COL25A1: variants seen among roughly 807,000 people sequenced by gnomAD.
COL25A1 encodes collagen alpha-1(XXV) chain.
Under a neutral mutation model 128.4 loss-of-function variants are expected in COL25A1, and 103 were observed. The ratio of observed to expected loss-of-function variants is 0.80; its 90% CI spans 0.68 to 0.94. COL25A1 has a LOEUF of 0.94. Ranked by LOEUF, COL25A1 falls within the 40% of genes least tolerant of loss-of-function variation. The pLI is 0.00. For synonymous variants in COL25A1, 279 were observed against 277.2 expected (o/e 1.01, Z -0.06); for missense variants, 745 against 840.0 (o/e 0.89, Z 1.40).
intron 13 of COL25A1, among the ~76,000 whole-genome samples, chr4:108,910,437 C>G (rs566917091): frequency 3.3e-5 from 5 of 152,126 alleles, no homozygotes; most frequent in African/African-American, 1.2e-4. Flanking sequence ...TTTTAACAGA[C>G]AGTTATATGT....
chr4:108,933,272 C>T (rs184144289), intron 11 of COL25A1, among the ~76,000 whole-genome samples: 1 of 152,262 alleles, frequency 6.6e-6, no homozygotes, highest in Non-Finnish European at 1.5e-5. Context: ...TCTCTAGTGC[C>T]TCTTAAGGCC....
chr4:108,888,377 G>C (rs558154755), intron 18 of COL25A1, among the ~76,000 whole-genome samples: 21 of 152,250 alleles, frequency 1.4e-4, no homozygotes, highest in African/African-American at 4.8e-4. Flanking sequence ...TACAGCATCA[G>C]CTACTGCTAG....
chr4:109,070,821 T>C (rs890485408), intron 3 of COL25A1, among the ~76,000 whole-genome samples: 3 of 151,930 alleles, frequency 2.0e-5, no homozygotes, highest in Non-Finnish European at 4.4e-5. Context: ...TTGCTGAGAA[T>C]TATGGTTTCC....
chr4:108,883,430 T>C (rs562647967), intron 19 of COL25A1, among the ~76,000 whole-genome samples: 2 of 152,232 alleles, frequency 1.3e-5, no homozygotes, highest in East Asian at 3.9e-4. Context: ...TTAACCCCTA[T>C]TAAGTAGTTC....
chr4:109,006,348 G>A (rs6533403), intron 6 of COL25A1, among the ~76,000 whole-genome samples: 121,200 of 145,140 alleles, frequency 0.84, 51,071 homozygotes, highest in Middle Eastern at 0.94. Flanking sequence ...AGTAGCTAGG[G>A]TTATAGGTGT....
chr4:109,219,243 A>C (rs1314113684), intron 3 of COL25A1, among the ~76,000 whole-genome samples: 1 of 152,156 alleles, frequency 6.6e-6, no homozygotes, highest in African/African-American at 2.4e-5. Flanking sequence ...ATTATTTTAC[A>C]GGTGATAAAA....
intron 5 of COL25A1, chr4:109,021,689 G>C (rs1424918173): frequency 4.4e-6 from 2 of 452,522 alleles, no homozygotes; most frequent in South Asian, 3.1e-5. Flanking sequence ...CCTATAAATG[G>C]ATGTGCAAGT....
At chr4:109,298,173 T>C (rs1725173316) in intron 3 of COL25A1, among the ~76,000 whole-genome samples, 1 of 152,104 alleles carries the variant, frequency 6.6e-6, no homozygotes. Flanking sequence ...AAAATTAAAT[T>C]AGAGAGTACA....
chr4:108,918,350 T>A (rs1745106659), intron 12 of COL25A1, 134 bp from the exon 13 acceptor site: 1 of 525,722 alleles, frequency 1.9e-6, no homozygotes, highest in Admixed American at 3.7e-5. Flanking sequence ...TTATCCACTG[T>A]GTTCAAATAT....
chr4:109,004,236 C>A (rs775734488), intron 6 of COL25A1, among the ~76,000 whole-genome samples: 1 of 152,146 alleles, frequency 6.6e-6, no homozygotes, highest in Admixed American at 6.6e-5. Context: ...CTAGTCCCAG[C>A]AATTCTTAAC....
chr4:108,889,789 C>T, intron 16 of COL25A1, 56 bp from the exon 17 acceptor site: 5 of 1,513,526 alleles, frequency 3.3e-6, no homozygotes, highest in Non-Finnish European at 4.6e-6. Flanking sequence ...GGAAACATCA[C>T]AAGCACTCAG....
intron 3 of COL25A1, among the ~76,000 whole-genome samples, chr4:109,152,563 A>G (rs1178329201): frequency 6.6e-6 from 1 of 152,212 alleles, no homozygotes; most frequent in Admixed American, 6.5e-5. Context: ...TATGGCATTT[A>G]AAAAACAAAA....
chr4:109,168,156 G>A (rs1342646223), intron 3 of COL25A1, among the ~76,000 whole-genome samples: 1 of 152,082 alleles, frequency 6.6e-6, no homozygotes, highest in African/African-American at 2.4e-5. Context: ...ATGGAGCCGT[G>A]GCAATTCCTT....
chr4:109,295,564 T>C (rs927080664), intron 3 of COL25A1, among the ~76,000 whole-genome samples: 3 of 152,092 alleles, frequency 2.0e-5, no homozygotes, highest in Non-Finnish European at 2.9e-5. Flanking sequence ...TTTCCATAGA[T>C]TGTGCAGTGT....
At chr4:108,984,977 G>C (rs1259235129) in intron 6 of COL25A1, among the ~76,000 whole-genome samples, 1 of 152,228 alleles carries the variant, frequency 6.6e-6, no homozygotes, top group African/African-American at 2.4e-5. Context: ...ATAAGGGTAA[G>C]ATGTTCCTTG....
intron 5 of COL25A1, among the ~76,000 whole-genome samples, chr4:109,025,931 G>C (rs1461233611): frequency 6.6e-6 from 1 of 151,974 alleles, no homozygotes; most frequent in Non-Finnish European, 1.5e-5. Context: ...ATGAACATGG[G>C]TTTATTTGAC....
chr4:108,934,411 A>C (rs1747164854), intron 11 of COL25A1, among the ~76,000 whole-genome samples: 2 of 152,118 alleles, frequency 1.3e-5, no homozygotes, highest in Admixed American at 6.6e-5. Context: ...GTGCAGCAAA[A>C]CAACATGGCA....
rs1290152109 is a variant in COL25A1, at chr4:108,844,640, G to A, written c.1579-71C>T. ...TAAGGCAGTTCAACTTGAATCTTGTGCTGGGGTTCTGCTAAGGCCATTAGT... is the reference window on the plus strand; with the variant it reads ...TAAGGCAGTTCAACTTGAATCTTGTACTGGGGTTCTGCTAAGGCCATTAGT... On this transcript the variant is annotated intron_variant, in intron 29 of 37. Coordinates refer to ENST00000399132, the MANE Select transcript of COL25A1 (RefSeq NM_198721.4). The A allele has an allele frequency of 4.5e-6, 7 of 1,559,790 alleles. No individual in the cohort carries two copies. The Admixed American group carries it at 1.2e-4, about 26-fold the overall frequency.
intron 6 of COL25A1, among the ~76,000 whole-genome samples, chr4:108,988,404 A>T (rs1401452796): frequency 6.6e-6 from 1 of 152,236 alleles, no homozygotes; most frequent in Non-Finnish European, 1.5e-5. Flanking sequence ...GCTTCCAATG[A>T]GTGCTTATGA....
Sources: allele counts gnomAD v4.1 joint callset (sites outside exome capture counted in the v4.1 genomes callset), GRCh38; gene constraint gnomAD v4.1.1; transcripts MANE v1.5; gene names NCBI Gene and HGNC (gene_info 2026-07-23, HGNC 2026-07-21).